CCDC178: variants seen among roughly 807,000 people sequenced by gnomAD.
CCDC178 encodes the protein coiled-coil domain-containing protein 178.
CCDC178 carries 126 observed loss-of-function variants against 117.4 expected under a neutral mutation model. The observed-to-expected ratio is 1.07, with a 90% CI of 0.93 to 1.24. The LOEUF is 1.24. CCDC178 is among the 50% of genes most tolerant of loss of function. The probability of loss-of-function intolerance (pLI) is 0.00; values close to 1 mark genes in which losing one functional copy is unlikely to be tolerated. For synonymous variants in CCDC178, 283 were observed against 313.4 expected (o/e 0.90, Z 1.02); for missense variants, 1,030 against 986.9 (o/e 1.04, Z -0.59).
chr18:33,092,686 A>C, intron 21 of CCDC178, 75 bp downstream of exon 21: 1 of 1,033,430 alleles, frequency 9.7e-7, no homozygotes. Context: ...GAGGCACCCA[A>C]ACTGACTACT....
intron 6 of CCDC178, 112 bp from the exon 7 acceptor site, chr18:33,356,458 AT>A (rs1416211938): frequency 1.3e-5 from 14 of 1,099,432 alleles, no homozygotes; most frequent in Non-Finnish European, 1.7e-5. Flanking sequence ...ACTTCATTAT[AT>A]TTTTGTGTAC....
At chr18:33,215,781 G>A (rs2059158763) in intron 18 of CCDC178, 86 bp from the exon 19 acceptor site, 1 of 1,050,632 alleles carries the variant, frequency 9.5e-7, no homozygotes, top group Non-Finnish European at 1.4e-6. Flanking sequence ...CATTGGCTGT[G>A]TGAACAACTA....
chr18:33,282,370 C>T (rs997579089), intron 12 of CCDC178, among the ~76,000 whole-genome samples: 6 of 152,132 alleles, frequency 3.9e-5, no homozygotes, highest in African/African-American at 1.4e-4. Context: ...CCTCTAGGCT[C>T]GACTTGCTCC....
At chr18:33,247,299 T>C (rs1221669160) in intron 14 of CCDC178, among the ~76,000 whole-genome samples, 5 of 151,868 alleles carry the variant, frequency 3.3e-5, no homozygotes, top group African/African-American at 9.7e-5. Flanking sequence ...TTAAAATAAG[T>C]ATATTTAAAA....
At chr18:33,044,747 T>A (rs2056612627) in intron 21 of CCDC178, among the ~76,000 whole-genome samples, 1 of 152,022 alleles carries the variant, frequency 6.6e-6, no homozygotes, top group South Asian at 2.1e-4. Context: ...ATAGCAAAGA[T>A]CTGGAATCAA....
intron 3 of CCDC178, among the ~76,000 whole-genome samples, chr18:33,400,258 T>G (rs2063693231): frequency 6.6e-6 from 1 of 152,052 alleles, no homozygotes; most frequent in African/African-American, 2.4e-5. Flanking sequence ...CTAGGATTTT[T>G]AGAATGGTAA....
At chr18:33,321,370 C>G (rs1438269216) in intron 11 of CCDC178, among the ~76,000 whole-genome samples, 1 of 151,938 alleles carries the variant, frequency 6.6e-6, no homozygotes, top group Non-Finnish European at 1.5e-5. Context: ...CCAGAATCTA[C>G]AAAGAAAGTA....
chr18:33,287,656 T>C (rs1212142432), intron 12 of CCDC178, among the ~76,000 whole-genome samples: 1 of 152,124 alleles, frequency 6.6e-6, no homozygotes, highest in Non-Finnish European at 1.5e-5. Flanking sequence ...GGCTCACACC[T>C]GTAATTCCAG....
chr18:33,212,106 C>A, intron 19 of CCDC178, 51 bp from the exon 20 acceptor site: 1 of 1,366,746 alleles, frequency 7.3e-7, no homozygotes. Context: ...TTTTATTTTT[C>A]AAAATGCATT....
chr18:33,241,093 A>C (rs2144677924), intron 15 of CCDC178, among the ~76,000 whole-genome samples: 1 of 152,120 alleles, frequency 6.6e-6, no homozygotes, highest in South Asian at 2.1e-4. Context: ...AAGGACAAAA[A>C]GCACATGGTT....
intron 6 of CCDC178, among the ~76,000 whole-genome samples, chr18:33,367,506 A>G (rs926926737): frequency 6.6e-6 from 1 of 151,968 alleles, no homozygotes. Context: ...TCCTATGTCA[A>G]TGTAAGGTTG....
At chr18:32,992,985 G>T (rs1359600440) in intron 21 of CCDC178, among the ~76,000 whole-genome samples, 1 of 152,070 alleles carries the variant, frequency 6.6e-6, no homozygotes, top group Non-Finnish European at 1.5e-5. Context: ...GGCCAACATG[G>T]TGAAGCCCCG....
intron 21 of CCDC178, among the ~76,000 whole-genome samples, chr18:33,088,717 T>C (rs935306680): frequency 2.0e-5 from 3 of 152,162 alleles, no homozygotes; most frequent in Non-Finnish European, 4.4e-5. Context: ...CTCTAATTCT[T>C]GTCTCTGTAA....
intron 20 of CCDC178, among the ~76,000 whole-genome samples, chr18:33,097,567 A>C (rs1271230877): frequency 6.6e-6 from 1 of 152,114 alleles, no homozygotes; most frequent in African/African-American, 2.4e-5. Context: ...TAGGCAGTGA[A>C]GCTGGGCTTT....
chr18:33,127,699 G>T (rs946662473), intron 20 of CCDC178, among the ~76,000 whole-genome samples: 2 of 152,142 alleles, frequency 1.3e-5, no homozygotes, highest in African/African-American at 4.8e-5. Flanking sequence ...CTCTCAAAGT[G>T]CTGGGATTAC....
intron 20 of CCDC178, among the ~76,000 whole-genome samples, chr18:33,177,198 G>A (rs1231310335): frequency 6.6e-6 from 1 of 151,904 alleles, no homozygotes; most frequent in East Asian, 1.9e-4. Context: ...CACACCGGGG[G>A]ACTGTCAGGG....
intron 21 of CCDC178, among the ~76,000 whole-genome samples, chr18:33,060,711 T>A (rs1223043624): frequency 6.6e-6 from 1 of 152,130 alleles, no homozygotes; most frequent in Admixed American, 6.5e-5. Flanking sequence ...AATATAAAGT[T>A]TGTTCATTCG....
At chr18:33,397,568 T>C (rs868137964) in intron 3 of CCDC178, among the ~76,000 whole-genome samples, 2 of 152,286 alleles carry the variant, frequency 1.3e-5, no homozygotes, top group Non-Finnish European at 2.9e-5. Flanking sequence ...AAGTTATATA[T>C]GGATTTAAAA....
In CCDC178 at chr18:33,267,089, C is replaced by A. The variant is rs777472878; in HGVS notation, c.1273-37G>T. ...GAATAAAAGAATCATTCATACATGT[C>A]TAATTATCAAAAGGCAAAACCTATA... On this transcript the variant is annotated intron_variant, in intron 13 of 22. Coordinates refer to ENST00000383096, the MANE Select transcript of CCDC178 (RefSeq NM_001105528.4). The A allele has an allele frequency of 7.7e-6, 12 of 1,553,152 alleles. No individual in the cohort carries two copies. The African/African-American group carries it at 9.7e-5, about 13-fold the overall frequency.
Sources: allele counts gnomAD v4.1 joint callset (sites outside exome capture counted in the v4.1 genomes callset), GRCh38; gene constraint gnomAD v4.1.1; transcripts MANE v1.5; gene names NCBI Gene and HGNC (gene_info 2026-07-23, HGNC 2026-07-21).